ADRA1B: variants seen among roughly 807,000 people sequenced by gnomAD.
ADRA1B encodes adrenoceptor alpha 1B.
In ADRA1B, 17 loss-of-function variants were observed where a neutral mutation model predicts 17.9. That is an observed-to-expected ratio of 0.95 (90% CI 0.65 to 1.42). The LOEUF (loss-of-function observed/expected upper bound fraction) is 1.42, where lower values mean the gene tolerates loss of function less well. ADRA1B is among the 40% of genes most tolerant of loss of function. The pLI is 0.00. For synonymous variants in ADRA1B, 366 were observed against 327.6 expected (o/e 1.12, Z -1.27); for missense variants, 681 against 722.1 (o/e 0.94, Z 0.65).
chr5:159,907,302 T>C (rs1375698773), intron 1 of ADRA1B, among the ~76,000 whole-genome samples: 1 of 152,180 alleles, frequency 6.6e-6, no homozygotes, highest in Non-Finnish European at 1.5e-5. Flanking sequence ...GCTCTCTGGA[T>C]ATGGCAATTT....
intron 1 of ADRA1B, among the ~76,000 whole-genome samples, chr5:159,936,353 A>G (rs1754954828): frequency 6.6e-6 from 1 of 152,184 alleles, no homozygotes; most frequent in African/African-American, 2.4e-5. Flanking sequence ...AATAACATAA[A>G]TTATTATAAT....
intron 1 of ADRA1B, among the ~76,000 whole-genome samples, chr5:159,934,632 C>T (rs1450500281): frequency 6.6e-6 from 1 of 151,922 alleles, no homozygotes; most frequent in Non-Finnish European, 1.5e-5. Context: ...TGGTGAAACC[C>T]CGTCTGTACT....
At position 159,972,171 on chromosome 5, in the gene ADRA1B, G is replaced by A. The variant is rs771501478; in HGVS notation, c.1242G>A (p.Leu414=). Residue 414 remains leucine (L), a synonymous_variant, in exon 2 of 2, where the codon CTG becomes CTA. Coordinates refer to ENST00000306675, the MANE Select transcript of ADRA1B (RefSeq NM_000679.4). ...CGCTGGACGACAGCGGCAGCTGCCT[G>A]AGCGGCAGCCAGCGGACCCTGCCCT... is the stretch of plus-strand genomic sequence containing the variant. The part of the protein sequence containing the change: ...KDSLDDSGSC[L]SGSQRTLPSA... The A allele has an allele frequency of 8.8e-6, 12 of 1,364,930 alleles. No individual in the cohort carries two copies. The highest frequency in any genetic ancestry group is 9.5e-6 in the Non-Finnish European group (10 of 1,051,946). The allele number at this position is 1,364,930 out of a possible 1,614,324, so 84.6% of individuals were successfully genotyped here.
chr5:159,988,487 G>C, the ADRA1B span, among the ~76,000 whole-genome samples: 9 of 152,324 alleles, frequency 5.9e-5, no homozygotes, highest in South Asian at 1.7e-3. Context: ...AGTGGTAAGA[G>C]ACCACAGTCC....
At chr5:159,947,800 G>A in intron 1 of ADRA1B, 3 of 985,408 alleles carry the variant, frequency 3.0e-6, no homozygotes, top group Non-Finnish European at 3.6e-6. Context: ...CCACGTGAGG[G>A]ACACGGGAGC....
At chr5:159,968,862 G>A (rs957120278) in intron 1 of ADRA1B, among the ~76,000 whole-genome samples, 2 of 152,162 alleles carry the variant, frequency 1.3e-5, no homozygotes, top group Non-Finnish European at 2.9e-5. Flanking sequence ...TTACAGACTT[G>A]AACCACCATG....
At chr5:159,888,264 G>T (rs962634155) in intron 1 of ADRA1B, 1 of 152,138 alleles carries the variant, frequency 6.6e-6, no homozygotes, top group African/African-American at 2.4e-5. Context: ...TGAGTATGGG[G>T]TGCTGTATTT....
At chr5:159,872,090 C>T (rs78777419) in intron 1 of ADRA1B, among the ~76,000 whole-genome samples, 2,933 of 152,148 alleles carry the variant, frequency 0.019, 83 homozygotes, top group African/African-American at 0.067. Flanking sequence ...ACATGAGTGA[C>T]GATTAATCAA....
Position 159,972,494 on chromosome 5 carries a change from GC to G in ADRA1B, c.*7del, listed in dbSNP as rs1333651728. 3 of 1,147,920 alleles carry G rather than the reference GC, an allele frequency of 2.6e-6. No homozygotes were observed. Among genetic ancestry groups the G allele is most frequent in the South Asian group, 1.7e-5 (1 of 60,538 alleles). The allele number at this position is 1,147,920 out of a possible 1,614,324, so 71.1% of individuals were successfully genotyped here. A position where few individuals can be genotyped will look rare whatever the true frequency, so the allele number is the denominator to read the frequency against. On this transcript the variant is annotated 3_prime_UTR_variant, in exon 2 of 2. Coordinates refer to ENST00000306675, the MANE Select transcript of ADRA1B (RefSeq NM_000679.4). ...CCCCTGGCGCCCGGGCAGTTTTAGG[GC>G]CCCCGTGCGCAGCTTTCTTTCCCTG...
intron 1 of ADRA1B, among the ~76,000 whole-genome samples, chr5:159,940,821 T>G (rs550933114): frequency 3.1e-4 from 47 of 152,320 alleles, no homozygotes; most frequent in African/African-American, 1.1e-3. Flanking sequence ...TGAATTGCTC[T>G]TGTACAAAGA....
intron 1 of ADRA1B, chr5:159,951,550 G>T: frequency 1.7e-6 from 1 of 573,808 alleles, no homozygotes; most frequent in Non-Finnish European, 3.2e-6. Context: ...GCTGTCTGTC[G>T]AACGGGAGGA....
chr5:159,934,787 C>T (rs35049562), intron 1 of ADRA1B, among the ~76,000 whole-genome samples: 21,837 of 149,192 alleles, frequency 0.15, 1,958 homozygotes, highest in East Asian at 0.33. Flanking sequence ...CACTGCACTC[C>T]AGTCTGGGAG....
At chr5:159,955,368 A>G (rs1755533162) in intron 1 of ADRA1B, 2 of 172,098 alleles carry the variant, frequency 1.2e-5, no homozygotes. Context: ...ATGCAGGAAA[A>G]GTTTTGATGC....
At chr5:159,929,926 A>C (rs1245124245) in intron 1 of ADRA1B, among the ~76,000 whole-genome samples, 3 of 152,298 alleles carry the variant, frequency 2.0e-5, no homozygotes, top group African/African-American at 7.2e-5. Context: ...GTGTTTTTGC[A>C]TGCAGAATGT....
chr5:159,907,175 T>G (rs938183411), intron 1 of ADRA1B, among the ~76,000 whole-genome samples: 1 of 152,214 alleles, frequency 6.6e-6, no homozygotes, highest in African/African-American at 2.4e-5. Flanking sequence ...TCTCTCCCAA[T>G]GCACAGCAAG....
At chr5:159,965,227 C>G (rs925554072) in intron 1 of ADRA1B, among the ~76,000 whole-genome samples, 2 of 152,060 alleles carry the variant, frequency 1.3e-5, no homozygotes, top group Admixed American at 1.3e-4. Flanking sequence ...CTCACTGGCC[C>G]TCCATTAAGG....
chr5:159,881,090 CGTGAA>C, intron 1 of ADRA1B, among the ~76,000 whole-genome samples: 2 of 145,980 alleles, frequency 1.4e-5, no homozygotes, highest in African/African-American at 2.5e-5. Flanking sequence ...AGGAGAATGG[CGTGAA>C]CCCAGGAAGC....
At chr5:159,957,603 A>T (rs946917796) in intron 1 of ADRA1B, among the ~76,000 whole-genome samples, 1 of 151,486 alleles carries the variant, frequency 6.6e-6, no homozygotes, top group African/African-American at 2.4e-5. Context: ...TTAGTTTTCT[A>T]TTGAGTTTTC....
At chr5:159,963,339 T>C (rs922331885) in intron 1 of ADRA1B, among the ~76,000 whole-genome samples, 5 of 143,608 alleles carry the variant, frequency 3.5e-5, no homozygotes, top group African/African-American at 1.3e-4. Context: ...TATTTTGTTT[T>C]CCTGTGAGCT....
Sources: gnomAD v4.1 joint callset for allele counts (sites outside exome capture counted in the v4.1 genomes callset) on GRCh38, gnomAD v4.1.1 for gene constraint, MANE v1.5 for transcripts, NCBI Gene and HGNC (gene_info 2026-07-23, HGNC 2026-07-21) for gene names.